CSMD2: variants seen among roughly 807,000 people sequenced by gnomAD.
The protein encoded by CSMD2 is CUB and sushi domain-containing protein 2.
In CSMD2, 130 loss-of-function variants were observed where a neutral mutation model predicts 398.5. That is an observed-to-expected ratio of 0.33 (90% confidence interval 0.28 to 0.38). The LOEUF is 0.38. Among genes scored for constraint, CSMD2 ranks in the 10% least tolerant of loss-of-function variants. The pLI is 1.00. For synonymous variants in CSMD2, 1,828 were observed against 1,908.5 expected (o/e 0.96, Z 1.10); for missense variants, 3,829 against 4,764.9 (o/e 0.80, Z 5.78).
chr1:33,954,255 C>T (rs184692903), intron 3 of CSMD2, among the ~76,000 whole-genome samples: 40 of 152,270 alleles, frequency 2.6e-4, no homozygotes, highest in Non-Finnish European at 4.9e-4. Context: ...GGTCGTAAAC[C>T]TTGTAAGTAA....
At chr1:34,077,827 T>G (rs1656610761) in intron 2 of CSMD2, among the ~76,000 whole-genome samples, 1 of 151,712 alleles carries the variant, frequency 6.6e-6, no homozygotes, top group African/African-American at 2.4e-5. Flanking sequence ...AAACTGCCTA[T>G]TGTGTACAGT....
At chr1:33,546,732 T>TA (rs1008515183) in intron 56 of CSMD2, among the ~76,000 whole-genome samples, 8 of 151,988 alleles carry the variant, frequency 5.3e-5, no homozygotes, top group African/African-American at 1.9e-4. Flanking sequence ...ATCTGACCTT[T>TA]TTTTTTTTCA....
chr1:33,906,587 C>A (rs1463104577), intron 5 of CSMD2, among the ~76,000 whole-genome samples: 1 of 152,158 alleles, frequency 6.6e-6, no homozygotes, highest in African/African-American at 2.4e-5. Context: ...GGGATATTCC[C>A]AGATTTCTGG....
chr1:33,762,564 G>A lies in CSMD2; in HGVS notation c.1846+10005C>T, dbSNP rs548819853. Among the ~76,000 whole-genome samples the A allele has an allele frequency of 5.9e-5, 9 of 152,276 alleles. No homozygotes were observed. In the South Asian group the frequency reaches 1.7e-3, roughly 28 times the overall value. On this transcript the variant is annotated intron_variant, in intron 13 of 70. Coordinates refer to ENST00000373381, the MANE Select transcript of CSMD2 (RefSeq NM_001281956.2). ...TAGCTGGAATAAGGCCTTTGAACTG[G>A]GCCTTGGATTAAACTGTGTTCACAG...
At chr1:34,154,369 G>C (rs570794656) in intron 1 of CSMD2, among the ~76,000 whole-genome samples, 3 of 152,304 alleles carry the variant, frequency 2.0e-5, no homozygotes, top group East Asian at 1.9e-4. Flanking sequence ...CACTAACCCA[G>C]GGACCAAATC....
At chr1:33,911,519 G>A (rs1643441722) in intron 5 of CSMD2, among the ~76,000 whole-genome samples, 1 of 152,116 alleles carries the variant, frequency 6.6e-6, no homozygotes, top group Non-Finnish European at 1.5e-5. Flanking sequence ...AGAGTAGACA[G>A]TTTTTGTATC....
At chr1:33,535,522 C>T (rs1200512333) in intron 62 of CSMD2, among the ~76,000 whole-genome samples, 1 of 152,162 alleles carries the variant, frequency 6.6e-6, no homozygotes, top group African/African-American at 2.4e-5. Context: ...TATAATAATC[C>T]ATCACGTGAC....
intron 17 of CSMD2, among the ~76,000 whole-genome samples, chr1:33,724,981 G>A (rs866875987): frequency 2.0e-5 from 3 of 152,164 alleles, no homozygotes; most frequent in Non-Finnish European, 2.9e-5. Flanking sequence ...CCTTTAAATC[G>A]AGGGGATGAA....
intron 56 of CSMD2, among the ~76,000 whole-genome samples, chr1:33,548,085 C>A (rs1418996862): frequency 6.6e-6 from 1 of 152,196 alleles, no homozygotes; most frequent in African/African-American, 2.4e-5. Context: ...GATGTGCCTG[C>A]TTCCCCTTCT....
intron 10 of CSMD2, among the ~76,000 whole-genome samples, chr1:33,798,184 C>T (rs191323552): frequency 5.7e-4 from 87 of 152,238 alleles, no homozygotes; most frequent in Admixed American, 3.1e-3. Context: ...GCTCACAAAG[C>T]GCCTTTCGGA....
chr1:33,517,658 G>A (rs1176026764), intron 70 of CSMD2, among the ~76,000 whole-genome samples: 2 of 152,184 alleles, frequency 1.3e-5, no homozygotes, highest in Non-Finnish European at 2.9e-5. Flanking sequence ...CAATCCCACT[G>A]GAATAAGGGG....
chr1:33,700,019 T>C (rs1446306109), intron 23 of CSMD2, among the ~76,000 whole-genome samples: 1 of 151,510 alleles, frequency 6.6e-6, no homozygotes, highest in Non-Finnish European at 1.5e-5. Context: ...CATTTTTTTT[T>C]TTCTTTTTTT....
chr1:33,791,115 G>A (rs1344128077), intron 11 of CSMD2, among the ~76,000 whole-genome samples: 1 of 152,180 alleles, frequency 6.6e-6, no homozygotes, highest in African/African-American at 2.4e-5. Context: ...CAAGCCAGCT[G>A]TTACTAAATG....
chr1:33,668,988 A>T (rs1644404108), intron 25 of CSMD2, among the ~76,000 whole-genome samples: 1 of 152,214 alleles, frequency 6.6e-6, no homozygotes, highest in Non-Finnish European at 1.5e-5. Flanking sequence ...GAGGACAAAA[A>T]GAGCTAAACG....
In CSMD2 at chr1:33,642,693, T is replaced by C. The variant is rs534953909; in HGVS notation, c.4774+3955A>G. ...GTTAAAATATAGAAACCTTTTAGCT[T>C]AAGTTACTTAGGCTGTTAGTTGTTT... On this transcript the variant is annotated intron_variant, in intron 29 of 70. Transcript: ENST00000373381. 2.6e-5 allele frequency among the ~76,000 whole-genome samples: 4 copies of C among 152,358 alleles called. No individual in the cohort carries two copies. The South Asian group carries it at 8.3e-4, about 32-fold the overall frequency.
chr1:34,043,778 T>C (rs915993141), intron 2 of CSMD2, among the ~76,000 whole-genome samples: 6 of 152,206 alleles, frequency 3.9e-5, no homozygotes, highest in African/African-American at 1.4e-4. Context: ...ACAAACATTA[T>C]GGTTTATGCT....
chr1:34,120,223 A>G (rs949974337), intron 1 of CSMD2, among the ~76,000 whole-genome samples: 3 of 152,238 alleles, frequency 2.0e-5, no homozygotes, highest in African/African-American at 7.2e-5. Context: ...TTACTGCATG[A>G]TTCCATTTAT....
At chr1:33,674,831 A>C (rs1275123040) in intron 25 of CSMD2, among the ~76,000 whole-genome samples, 1 of 152,262 alleles carries the variant, frequency 6.6e-6, no homozygotes, top group Non-Finnish European at 1.5e-5. Flanking sequence ...ACTACATGGA[A>C]ACTGAACAAT....
chr1:33,741,387 C>T (rs1647061456), intron 14 of CSMD2, among the ~76,000 whole-genome samples: 1 of 152,150 alleles, frequency 6.6e-6, no homozygotes, highest in Admixed American at 6.5e-5. Context: ...AGGATTGTTT[C>T]ACTGACTGCA....
Sources: allele counts gnomAD v4.1 joint callset (sites outside exome capture counted in the v4.1 genomes callset), GRCh38; gene constraint gnomAD v4.1.1; transcripts MANE v1.5; gene names NCBI Gene and HGNC (gene_info 2026-07-23, HGNC 2026-07-21).